DLC1: variants seen among roughly 807,000 people sequenced by gnomAD.
DLC1 encodes the protein DLC1 Rho GTPase activating protein.
A neutral mutation model predicts 140.3 loss-of-function variants in DLC1; 54 were observed. That is an observed-to-expected ratio of 0.38 (90% confidence interval 0.31 to 0.48). The LOEUF (loss-of-function observed/expected upper bound fraction) is 0.48. DLC1 is among the 20% of genes least tolerant of loss of function. The pLI is 0.96. For synonymous variants in DLC1, 986 were observed against 728.1 expected, an observed-to-expected ratio of 1.35 and a Z score of -5.70; for missense variants, 2,536 against 1,907.0, an observed-to-expected ratio of 1.33 and a Z score of -6.14.
intron 5 of DLC1, among the ~76,000 whole-genome samples, chr8:13,195,906 C>T (rs1827022559): frequency 1.3e-5 from 2 of 151,898 alleles, no homozygotes; most frequent in African/African-American, 2.4e-5. Context: ...TTTAATTTTG[C>T]CAATTTAGGA....
At chr8:13,086,187 A>T in intron 17 of DLC1, 103 bp downstream of exon 17, 1 of 1,464,586 alleles carries the variant, frequency 6.8e-7, no homozygotes, top group Non-Finnish European at 9.2e-7. Context: ...GAAGTCACCA[A>T]GAAAAAATGA....
intron 5 of DLC1, among the ~76,000 whole-genome samples, chr8:13,213,112 TTAA>T (rs1482212098): frequency 3.3e-5 from 5 of 152,218 alleles, no homozygotes; most frequent in African/African-American, 9.6e-5. Context: ...AGTGAAAGAC[TTAA>T]TAAAAATTCT....
rs534594022 is a variant in DLC1 at position 13,392,825 on chromosome 8, G to A, written c.1314+728C>T. On this transcript the variant is annotated intron_variant, in intron 4 of 17. Coordinates refer to ENST00000276297, the MANE Select transcript of DLC1 (RefSeq NM_182643.3). Reference sequence around the variant, plus strand: ...CTCCTTTCGTGGTGTATTATTCCATGTGGAATAAGTTTTAATAGCATTGTA... The same window carrying A: ...CTCCTTTCGTGGTGTATTATTCCATATGGAATAAGTTTTAATAGCATTGTA... Among the ~76,000 whole-genome samples, 43 of 40,456 alleles carry A rather than the reference G, an allele frequency of 1.1e-3. No homozygotes were observed. The East Asian group carries it at 0.11, about 105-fold the overall frequency. 26.5% of individuals were successfully genotyped at this position (40,456 alleles called of 152,430 possible).
chr8:13,358,966 T>A (rs1282685641), intron 4 of DLC1, among the ~76,000 whole-genome samples: 5 of 144,726 alleles, frequency 3.5e-5, no homozygotes, highest in African/African-American at 1.3e-4. Flanking sequence ...TGAGGTGGAG[T>A]CTTGCTCTGT....
intron 1 of DLC1, among the ~76,000 whole-genome samples, chr8:13,527,695 T>C (rs897870292): frequency 3.9e-5 from 6 of 152,158 alleles, no homozygotes; most frequent in African/African-American, 1.4e-4. Flanking sequence ...ATGAATATTA[T>C]ATTTTCCTGT....
chr8:13,297,284 A>AAAAAAAAAAAAAAAAAAAAAAAAAC (rs1563233197), intron 5 of DLC1, among the ~76,000 whole-genome samples: 4 of 139,716 alleles, frequency 2.9e-5, no homozygotes, highest in Non-Finnish European at 4.7e-5. Flanking sequence ...TCATACATTA[A>AAAAAAAAAAAAAAAAAAAAAAAAAC]AAAAAAAAAA....
chr8:13,309,131 A>C (rs745409667), intron 4 of DLC1, among the ~76,000 whole-genome samples: 27 of 152,226 alleles, frequency 1.8e-4, no homozygotes, highest in Non-Finnish European at 2.6e-4. Context: ...TAGTTGCCAT[A>C]TGTTTCATTT....
intron 2 of DLC1, among the ~76,000 whole-genome samples, chr8:13,424,608 T>C (rs1242517624): frequency 6.6e-6 from 1 of 152,170 alleles, no homozygotes; most frequent in Non-Finnish European, 1.5e-5. Flanking sequence ...AGTCTGGCTC[T>C]GTCGTCCAGG....
chr8:13,102,837 T>G lies in DLC1; in HGVS notation c.1519A>C (p.Asn507His). 6 of 1,614,052 alleles carry G rather than the reference T, an allele frequency of 3.7e-6. No homozygotes were observed. The highest frequency in any genetic ancestry group is 5.1e-6 in the Non-Finnish European group (6 of 1,179,976). The change falls in exon 8 of 18, where the codon AAC becomes CAC. Residue 507 changes from asparagine (N) to histidine (H), a missense_variant. By Grantham distance (68) the Asn-to-His change is moderately conservative. Transcript: ENST00000276297. ...EALCRRLNTL[N>H]KCAVMKLEIS... ...TCTAGCTTCATCACCGCACATTTGT[T>G]TAAAGTATTTAGACGCCTATAGAGC...
intron 2 of DLC1, among the ~76,000 whole-genome samples, chr8:13,409,018 T>A (rs1837679134): frequency 6.6e-6 from 1 of 152,134 alleles, no homozygotes; most frequent in Admixed American, 6.6e-5. Flanking sequence ...CCCCTTATTT[T>A]TTTTTTAAAG....
intron 4 of DLC1, among the ~76,000 whole-genome samples, chr8:13,381,367 A>G (rs1014457264): frequency 2.0e-5 from 3 of 152,186 alleles, no homozygotes; most frequent in African/African-American, 7.2e-5. Flanking sequence ...CGTTAAGGAG[A>G]TCACAGGTGT....
intron 5 of DLC1, among the ~76,000 whole-genome samples, chr8:13,283,529 T>C (rs1420749187): frequency 6.6e-6 from 1 of 152,178 alleles, no homozygotes; most frequent in Non-Finnish European, 1.5e-5. Flanking sequence ...CTTTCTTTCT[T>C]TTTTGAGACA....
chr8:13,105,089 C>A (rs1585634592), intron 7 of DLC1, among the ~76,000 whole-genome samples: 1 of 136,008 alleles, frequency 7.4e-6, no homozygotes, highest in African/African-American at 2.4e-5. Flanking sequence ...GTGTTTATAA[C>A]CAAATTTACT....
intron 3 of DLC1, 95 bp from the exon 4 acceptor site, chr8:13,393,788 C>T (rs1836884261): frequency 1.4e-6 from 2 of 1,406,068 alleles, no homozygotes; most frequent in South Asian, 2.7e-5. Context: ...CTTCTTTCTC[C>T]CAGTGCACAC....
At chr8:13,429,980 C>G (rs1301768597) in intron 2 of DLC1, among the ~76,000 whole-genome samples, 1 of 152,120 alleles carries the variant, frequency 6.6e-6, no homozygotes, top group African/African-American at 2.4e-5. Flanking sequence ...GGTTCTTAAC[C>G]ATGACTAAAC....
intron 1 of DLC1, among the ~76,000 whole-genome samples, chr8:13,513,586 T>C (rs1333647650): frequency 6.6e-6 from 1 of 152,164 alleles, no homozygotes; most frequent in East Asian, 1.9e-4. Context: ...CATGAATATT[T>C]CTTCCCTTTA....
intron 5 of DLC1, among the ~76,000 whole-genome samples, chr8:13,149,304 T>C (rs985170611): frequency 5.9e-5 from 9 of 152,216 alleles, no homozygotes; most frequent in African/African-American, 1.2e-4. Context: ...TTTCCTTCAA[T>C]TTCTCTGAAA....
At chr8:13,347,004 A>G (rs1834370190) in intron 4 of DLC1, among the ~76,000 whole-genome samples, 1 of 152,212 alleles carries the variant, frequency 6.6e-6, no homozygotes, top group African/African-American at 2.4e-5. Flanking sequence ...ATCTTGTTAT[A>G]ATTGTTTTAT....
intron 3 of DLC1, among the ~76,000 whole-genome samples, chr8:13,399,643 C>A (rs1352506556): frequency 6.6e-6 from 1 of 152,158 alleles, no homozygotes; most frequent in Non-Finnish European, 1.5e-5. Context: ...AAGGAGAAAA[C>A]CACCGGATCC....
Sources: gnomAD v4.1 joint callset for allele counts (sites outside exome capture counted in the v4.1 genomes callset) on GRCh38, gnomAD v4.1.1 for gene constraint, MANE v1.5 for transcripts, NCBI Gene and HGNC (gene_info 2026-07-23, HGNC 2026-07-21) for gene names.